Variants in SLC25A42 observed in about 807,000 individuals in gnomAD.
The protein encoded by SLC25A42 is solute carrier family 25 member 42.
Under a neutral mutation model 34.7 loss-of-function variants are expected in SLC25A42, and 19 were observed. The observed-to-expected ratio is 0.55, with a 90% confidence interval of 0.38 to 0.80. The LOEUF (loss-of-function observed/expected upper bound fraction) is 0.80, where lower values mean the gene tolerates loss of function less well. Ranked by LOEUF, SLC25A42 falls within the 30% of genes least tolerant of loss-of-function variation. SLC25A42 has a pLI of 0.00. For missense variants in SLC25A42, 364 were observed against 441.3 expected, an observed-to-expected ratio of 0.82 and a Z score of 1.57; for synonymous variants, 205 against 191.2, an observed-to-expected ratio of 1.07 and a Z score of -0.59.
At chr19:19,075,575 A>T (rs563067594) in intron 1 of SLC25A42, among the ~76,000 whole-genome samples, 1 of 152,306 alleles carries the variant, frequency 6.6e-6, no homozygotes, top group East Asian at 1.9e-4. Context: ...GCCACAGGAC[A>T]CTGTCATCTG....
At chr19:19,071,619 C>T (rs2059630320) in intron 1 of SLC25A42, among the ~76,000 whole-genome samples, 1 of 152,174 alleles carries the variant, frequency 6.6e-6, no homozygotes, top group South Asian at 2.1e-4. Flanking sequence ...GTAATCCCAG[C>T]ACTTTGGGAG....
At chr19:19,092,806 C>A (rs1052082982) in intron 1 of SLC25A42, among the ~76,000 whole-genome samples, 1 of 152,204 alleles carries the variant, frequency 6.6e-6, no homozygotes, top group East Asian at 1.9e-4. Flanking sequence ...GAGGCTGCGC[C>A]GTTCTCACCC....
intron 2 of SLC25A42, among the ~76,000 whole-genome samples, chr19:19,098,830 C>T (rs1485654934): frequency 6.6e-6 from 1 of 151,694 alleles, no homozygotes; most frequent in African/African-American, 2.4e-5. Flanking sequence ...TGAGGCAGGA[C>T]AAACAACCAC....
At chr19:19,077,430 A>G (rs927365667) in intron 1 of SLC25A42, among the ~76,000 whole-genome samples, 1 of 152,194 alleles carries the variant, frequency 6.6e-6, no homozygotes, top group Non-Finnish European at 1.5e-5. Flanking sequence ...TGATGACTCT[A>G]GGGACCTCAT....
At chr19:19,107,806 G>A (rs1044239990) in intron 6 of SLC25A42, 88 bp from the exon 7 acceptor site, 29 of 1,434,496 alleles carry the variant, frequency 2.0e-5, no homozygotes, top group South Asian at 7.1e-5. Context: ...AGGCCCAGCC[G>A]GCTTCGGGAG....
intron 1 of SLC25A42, among the ~76,000 whole-genome samples, chr19:19,068,904 T>C (rs2059615964): frequency 6.6e-6 from 1 of 151,162 alleles, no homozygotes; most frequent in South Asian, 2.1e-4. Flanking sequence ...CATGTACCCA[T>C]AGTCCTAGCT....
At chr19:19,067,359 A>G (rs1480654560) in intron 1 of SLC25A42, among the ~76,000 whole-genome samples, 1 of 152,150 alleles carries the variant, frequency 6.6e-6, no homozygotes, top group African/African-American at 2.4e-5. Flanking sequence ...AGGCAGGTGT[A>G]TTGCTTGAGC....
At chr19:19,082,598 ATTGATCCACCTGCC>A (rs371983354) in intron 1 of SLC25A42, among the ~76,000 whole-genome samples, 33 of 151,882 alleles carry the variant, frequency 2.2e-4, no homozygotes, top group African/African-American at 7.7e-4. Flanking sequence ...CCTGACCTCA[ATTGATCCACCTGCC>A]TTGGCCTCCC....
intron 6 of SLC25A42, among the ~76,000 whole-genome samples, chr19:19,107,390 T>C (rs902129959): frequency 1.3e-5 from 2 of 151,764 alleles, no homozygotes; most frequent in African/African-American, 4.8e-5. Flanking sequence ...TCCAGCACTT[T>C]GAGAGGCTGG....
At chr19:19,090,674 CA>C (rs2059733809) in intron 1 of SLC25A42, among the ~76,000 whole-genome samples, 2 of 151,906 alleles carry the variant, frequency 1.3e-5, no homozygotes, top group East Asian at 3.9e-4. Context: ...ACAACAACAA[CA>C]AAAAGCTTCT....
In SLC25A42 at chr19:19,108,035, C is replaced by T; in HGVS notation, c.639C>T (p.Ser213=). The T allele has an allele frequency of 6.3e-7, 1 of 1,588,296 alleles. No homozygotes were observed. The change falls in exon 7 of 8, where the codon AGC becomes AGT. Residue 213 remains serine (S), a synonymous_variant. Transcript: ENST00000318596. The stretch of plus-strand genomic sequence containing the variant: ...TCTTCACCTATGAGACGCTCAAGAG[C>T]TTGCACAGAGGTAAGGAGAGCTGGG... ...LSFFTYETLK[S]LHREYSGRRQ... is the part of the protein sequence containing the mutation.
At chr19:19,072,580 G>A (rs530829900) in intron 1 of SLC25A42, among the ~76,000 whole-genome samples, 32 of 152,092 alleles carry the variant, frequency 2.1e-4, no homozygotes, top group Admixed American at 1.8e-3. Context: ...ACAGGGTTTC[G>A]CCATGTTGGC....
chr19:19,081,759 G>A lies in SLC25A42; in HGVS notation c.-34-14332G>A, dbSNP rs879285890. 1.6e-4 allele frequency among the ~76,000 whole-genome samples: 25 copies of A among 152,170 alleles called. No homozygotes were observed. The highest frequency in any genetic ancestry group is 2.5e-4 in the Non-Finnish European group (17 of 68,030). ...CAGGCCCTACGCTGTCACCCGAGTG[G>A]TCCCGTGGTGTCCTCTGGCTTCCTT... On this transcript the variant is annotated intron_variant, in intron 1 of 7. Transcript: ENST00000318596. The surrounding 1 kb of genome is among the most constrained non-coding windows in gnomAD (Gnocchi z 4.5).
chr19:19,068,126 C>T (rs549737476), intron 1 of SLC25A42, among the ~76,000 whole-genome samples: 1 of 152,024 alleles, frequency 6.6e-6, no homozygotes, highest in Non-Finnish European at 1.5e-5. Context: ...GAGGCCGAGG[C>T]GGGCAGATCA....
Position 19,113,013 on chromosome 19 carries a change from AG to A in SLC25A42, c.*2138del, listed in dbSNP as rs1599697290. The stretch of plus-strand genomic sequence containing the variant: ...AGTTCTGAATAAAAGTCTTGAATAA[AG>A]AAGTTTTTAAATGCAATTGTTGTTT... On this transcript the variant is annotated 3_prime_UTR_variant, in exon 8 of 8. Coordinates refer to ENST00000318596, the MANE Select transcript of SLC25A42 (RefSeq NM_178526.5). 1 of 152,446 alleles carries A rather than the reference AG, an allele frequency of 6.6e-6. No individual in the cohort carries two copies. The highest frequency in any genetic ancestry group is 1.9e-4 in the East Asian group (1 of 5,178). 9.4% of individuals were successfully genotyped at this position (152,446 alleles called of 1,614,324 possible). A position where few individuals can be genotyped will look rare whatever the true frequency, so the allele number is the denominator to read the frequency against.
At chr19:19,105,283 G>C (rs1291025527) in intron 4 of SLC25A42, 1 of 571,952 alleles carries the variant, frequency 1.7e-6, no homozygotes, top group Non-Finnish European at 3.1e-6. Flanking sequence ...GCAGGGCTCC[G>C]AGCTGCTTTG....
chr19:19,070,392 G>T (rs1226325153), intron 1 of SLC25A42, among the ~76,000 whole-genome samples: 3 of 150,218 alleles, frequency 2.0e-5, no homozygotes, highest in Non-Finnish European at 4.4e-5. Context: ...CCACCTCCCA[G>T]GTTCAAGCCA....
chr19:19,085,840 A>G (rs2059705507), intron 1 of SLC25A42, among the ~76,000 whole-genome samples: 1 of 139,938 alleles, frequency 7.1e-6, no homozygotes, highest in Middle Eastern at 3.4e-3. Context: ...AGAGGAGAGG[A>G]GGGGAGAGGG....
intron 1 of SLC25A42, among the ~76,000 whole-genome samples, chr19:19,075,935 TG>T (rs2059653733): frequency 6.6e-6 from 1 of 152,174 alleles, no homozygotes; most frequent in South Asian, 2.1e-4. Context: ...TCTTGGTCTT[TG>T]GGGGCAGCAC....
Sources: allele counts gnomAD v4.1 joint callset (sites outside exome capture counted in the v4.1 genomes callset), GRCh38; gene constraint gnomAD v4.1.1; non-coding constraint Gnocchi (gnomAD v3.1); transcripts MANE v1.5; gene names NCBI Gene and HGNC (gene_info 2026-07-23, HGNC 2026-07-21).